The following FLG variants were observed in gnomAD, a reference collection of about 807,000 sequenced individuals.
FLG encodes filaggrin, also known as epidermal filaggrin.
Under a neutral mutation model 3.8 loss-of-function variants are expected in FLG, and 6 were observed. The observed-to-expected ratio is 1.60, with a 90% CI of 0.87 to 3.15. FLG has a LOEUF of 3.15. FLG is among the 30% of genes most tolerant of loss of function. The pLI, the probability that FLG is intolerant of heterozygous loss-of-function variation, is 0.00. For missense variants in FLG, 7,595 were observed against 5,050.9 expected (o/e 1.50, Z -15.27); for synonymous variants, 2,551 against 1,931.6 (o/e 1.32, Z -8.41).
chr1:152,308,676 C>A lies in FLG; in HGVS notation c.6210G>T (p.Gln2070His). The change falls in exon 3 of 3, where the codon CAG becomes CAT. Residue 2070 changes from glutamine to histidine, a missense_variant. Coordinates refer to ENST00000368799, the MANE Select transcript of FLG (RefSeq NM_002016.2). ...GGCCACGTGCGGACTCTTTGTGGCT[C>A]TGCTGATGGGGCCCAGCTTTTCCCT... Reference protein sequence around the residue: ...SAQGKAGPHQQSHKESARGQS... With the variant: ...SAQGKAGPHQHSHKESARGQS... 2 of 1,614,192 alleles carry A rather than the reference C, an allele frequency of 1.2e-6. No individual in the cohort carries two copies. Among genetic ancestry groups the A allele is most frequent in the Middle Eastern group, 1.6e-4 (1 of 6,062 alleles).
In FLG at chr1:152,314,311, C is replaced by G; in HGVS notation, c.575G>C (p.Arg192Thr). The G allele has an allele frequency of 2.5e-6, 4 of 1,613,368 alleles. No homozygotes were observed. Among genetic ancestry groups the G allele is most frequent in the Non-Finnish European group, 2.5e-6 (3 of 1,179,884 alleles). Residue 192 changes from arginine to threonine, a missense_variant, in exon 3 of 3, where the codon AGA (arginine) becomes ACA (threonine). Physicochemically the swap from Arg to Thr is moderately conservative, Grantham distance 71. Coordinates refer to ENST00000368799, the MANE Select transcript of FLG (RefSeq NM_002016.2). ...KKEKNKTENTRLGDNRKRLSE... is the reference protein window; with the variant it reads ...KKEKNKTENTTLGDNRKRLSE... ...TAGCCTCTTCCTATTGTCTCCTAAT[C>G]TAGTATTTTCAGTCTTGTTTTTCTC...
Position 152,314,544 on chromosome 1 carries a change from T to C in FLG, c.342A>G (p.Lys114=), listed in dbSNP as rs374145663. The C allele has an allele frequency of 3.7e-6, 6 of 1,613,816 alleles. No individual in the cohort carries two copies. In the African/African-American group the frequency reaches 6.7e-5, roughly 18 times the overall value. The change falls in exon 3 of 3, where the codon AAA becomes AAG. Residue 114 remains lysine (K), a synonymous_variant. Transcript: ENST00000368799. ...TTCTGTTTTCTTTGTTTTCTTCCTG[T>C]TTATTATCTTCATGTTTATCATGAT... The part of the protein sequence containing the change: ...HSHHDKHEDN[K]QEENKENRKR...
Position 152,313,841 on chromosome 1 carries a change from A to G in FLG, c.1045T>C (p.Ser349Pro). ...CCTGATTGTCTGGAGCTGTCTGCAG[A>G]GTGCCCATGACTGGCTCTGTCTTCA... ...HDEDRASHGHSADSSRQSGTR... is the reference protein window; with the variant it reads ...HDEDRASHGHPADSSRQSGTR... Residue 349 changes from serine (S) to proline (P), a missense_variant, in exon 3 of 3, where the codon TCT becomes CCT. Transcript: ENST00000368799. 2 of 1,614,124 alleles carry G rather than the reference A, an allele frequency of 1.2e-6. No individual in the cohort carries two copies. The highest frequency in any genetic ancestry group is 2.2e-5 in the South Asian group (2 of 91,084).
In FLG at chr1:152,307,551, C is replaced by T. The variant is rs774255822; in HGVS notation, c.7335G>A (p.Gln2445=). ...TGGRQGSHHK[Q]ARDSSRHSTS... Reference sequence around the variant, plus strand: ...TTGAGTGCCTGGAGCTGTCTCGTGCCTGCTTGTGGTGGGATCCTTGTCTTC... The same window carrying T: ...TTGAGTGCCTGGAGCTGTCTCGTGCTTGCTTGTGGTGGGATCCTTGTCTTC... Residue 2445 remains glutamine, a synonymous_variant, in exon 3 of 3, where the codon CAG becomes CAA. Transcript: ENST00000368799. 1.4e-5 allele frequency: 23 copies of T among 1,613,786 alleles called. No individual in the cohort carries two copies. The highest frequency in any genetic ancestry group is 1.7e-4 in the Middle Eastern group (1 of 6,056).
At position 152,308,660 on chromosome 1, in the gene FLG, C is replaced by G; in HGVS notation, c.6226G>C (p.Ala2076Pro). Residue 2076 changes from alanine (A) to proline (P), a missense_variant, in exon 3 of 3, where the codon GCA becomes CCA. Ala to Pro is a conservative substitution (Grantham distance 27). Transcript: ENST00000368799. ...GAGCTTTCCCCTGACTGGCCACGTG[C>G]GGACTCTTTGTGGCTCTGCTGATGG... ...GPHQQSHKES[A>P]RGQSGESSGR... 1.9e-6 allele frequency: 3 copies of G among 1,612,502 alleles called. No homozygotes were observed. Among genetic ancestry groups the G allele is most frequent in the Non-Finnish European group, 2.5e-6 (3 of 1,179,960 alleles).
Position 152,309,079 on chromosome 1 carries a change from C to G in FLG, c.5807G>C (p.Gly1936Ala). ...TCCAAGATGGTTTCTGGAAGCAGAC[C>G]CAGACCACCTCTCAGAGTCTTCTGA... ...GHSEDSERWS[G>A]SASRNHLGSA... Residue 1936 changes from glycine (G) to alanine (A), a missense_variant, in exon 3 of 3, where the codon GGG (glycine) becomes GCG (alanine). Gly to Ala is a moderately conservative substitution (Grantham distance 60). Transcript: ENST00000368799. The G allele has an allele frequency of 6.2e-7, 1 of 1,614,048 alleles. No individual in the cohort carries two copies. The highest frequency in any genetic ancestry group is 1.3e-5 in the African/African-American group (1 of 75,020).
chr1:152,319,079 C>A (rs1652875138), intron 1 of FLG, among the ~76,000 whole-genome samples: 1 of 151,536 alleles, frequency 6.6e-6, no homozygotes, highest in Non-Finnish European at 1.5e-5. Context: ...AAGACCAACT[C>A]AGTTAGAAAA....
rs1479185674 is a variant in FLG at position 152,304,287 on chromosome 1, C to T, written c.10599G>A (p.Arg3533=). ...CCTGGCTAACACTGGATCCCTGGTT[C>T]CTGCTTGTCCTGGGCCCCGCTGATT... ...QGQSAGPRTS[R]NQGSSVSQDS... Residue 3533 remains arginine (R), a synonymous_variant, in exon 3 of 3, where the codon AGG becomes AGA. Transcript: ENST00000368799. The T allele has an allele frequency of 1.4e-5, 22 of 1,612,916 alleles. No homozygotes were observed. The highest frequency in any genetic ancestry group is 1.6e-5 in the Non-Finnish European group (19 of 1,179,438).
chr1:152,308,481 C>A lies in FLG; in HGVS notation c.6405G>T (p.Gln2135His). Reference protein sequence around the residue: ...SSRHSASQEGQDTIRGHPGPS... With the variant: ...SSRHSASQEGHDTIRGHPGPS... Reference sequence around the variant, plus strand: ...GCCCCGGGTGTCCACGAATGGTGTCCTGACCCTCTTGGGATGCTGAGTGCC... The same window carrying A: ...GCCCCGGGTGTCCACGAATGGTGTCATGACCCTCTTGGGATGCTGAGTGCC... Residue 2135 changes from glutamine (Q) to histidine (H), a missense_variant, in exon 3 of 3, where the codon CAG becomes CAT. Physicochemically the swap from Gln to His is conservative, Grantham distance 24 (BLOSUM62 0). Transcript: ENST00000368799. 1 of 1,613,738 alleles carries A rather than the reference C, an allele frequency of 6.2e-7. No individual in the cohort carries two copies. The highest frequency in any genetic ancestry group is 8.5e-7 in the Non-Finnish European group (1 of 1,179,858).
In FLG at chr1:152,315,254, C is replaced by T. The variant is rs940180991; in HGVS notation, c.138+65G>A. 4.1e-6 allele frequency: 6 copies of T among 1,455,832 alleles called. No individual in the cohort carries two copies. The Admixed American group carries it at 8.6e-5, about 21-fold the overall frequency. 90.2% of individuals were successfully genotyped at this position (1,455,832 alleles called of 1,614,324 possible). On this transcript the variant is annotated intron_variant, in intron 2 of 2. Coordinates refer to ENST00000368799, the MANE Select transcript of FLG (RefSeq NM_002016.2). ...ATAGTTCACAAAGAGCTCAAAATAA[C>T]CCTTGCTTAGATTATTGATGAGAAA...
Position 152,313,555 on chromosome 1 carries a change from C to T in FLG, c.1331G>A (p.Gly444Glu), listed in dbSNP as rs539986712. ...CTCTTGGTGGCTCTGCTGTCTCAGCCCAGCCTTTCCGTGGCCTGACACTGA... is the reference window on the plus strand; with the variant it reads ...CTCTTGGTGGCTCTGCTGTCTCAGCTCAGCCTTTCCGTGGCCTGACACTGA... ...TQSVSGHGKAGLRQQSHQEST... is the reference protein window; with the variant it reads ...TQSVSGHGKAELRQQSHQEST... The change falls in exon 3 of 3, where the codon GGG becomes GAG. Residue 444 changes from glycine (G) to glutamate (E), a missense_variant. Physicochemically the swap from Gly to Glu is moderately conservative, Grantham distance 98. Coordinates refer to ENST00000368799, the MANE Select transcript of FLG (RefSeq NM_002016.2). 2.5e-6 allele frequency: 4 copies of T among 1,613,578 alleles called. No individual in the cohort carries two copies. The highest frequency in any genetic ancestry group is 1.1e-5 in the South Asian group (1 of 91,034).
chr1:152,303,212 G>T lies in FLG; in HGVS notation c.11674C>A (p.Arg3892=), dbSNP rs141128022. ...CTGGAGCCATCTCTTGACTGCTCCC[G>T]AGAAGATCCATGATGGTTTCTGGAA... The part of the protein sequence containing the change: ...SASRNHHGSS[R]EQSRDGSRHP... Residue 3892 remains arginine (R), a synonymous_variant, in exon 3 of 3, where the codon CGG becomes AGG. Transcript: ENST00000368799. 2 of 1,614,060 alleles carry T rather than the reference G, an allele frequency of 1.2e-6. No homozygotes were observed. The highest frequency in any genetic ancestry group is 1.7e-6 in the Non-Finnish European group (2 of 1,180,030).
Position 152,309,144 on chromosome 1 carries a change from C to T in FLG, c.5742G>A (p.Gln1914=), listed in dbSNP as rs746656908. The T allele has an allele frequency of 2.5e-6, 4 of 1,613,520 alleles. No individual in the cohort carries two copies. In the South Asian group the frequency reaches 3.3e-5, roughly 13 times the overall value. ...QSSGPRTSRN[Q]GSSVSQDSDS... ...CACTGTCCTGGCTAACACTGGATCC[C>T]TGGTTCCTGCTTGTCCTGGGCCCTG... The change falls in exon 3 of 3, where the codon CAG becomes CAA. Residue 1914 remains glutamine (Q), a synonymous_variant. Coordinates refer to ENST00000368799, the MANE Select transcript of FLG (RefSeq NM_002016.2).
In FLG at chr1:152,308,457, C is replaced by T. The variant is rs368612352; in HGVS notation, c.6429G>A (p.Gly2143=). The T allele has an allele frequency of 1.7e-5, 27 of 1,613,588 alleles. No individual in the cohort carries two copies. In the African/African-American group the frequency reaches 2.8e-4, roughly 17 times the overall value. Residue 2143 remains glycine (G), a synonymous_variant, in exon 3 of 3, where the codon GGG becomes GGA. Coordinates refer to ENST00000368799, the MANE Select transcript of FLG (RefSeq NM_002016.2). Reference sequence around the variant, plus strand: ...ACCCCTGTCTTCCTCCTCTGCTTGGCCCCGGGTGTCCACGAATGGTGTCCT... The same window carrying T: ...ACCCCTGTCTTCCTCCTCTGCTTGGTCCCGGGTGTCCACGAATGGTGTCCT... The part of the protein sequence containing the change: ...EGQDTIRGHP[G]PSRGGRQGSH...
Position 152,311,628 on chromosome 1 carries a change from C to T in FLG, c.3258G>A (p.Val1086=), listed in dbSNP as rs150877203. 5.6e-6 allele frequency: 9 copies of T among 1,614,022 alleles called. No homozygotes were observed. The highest frequency in any genetic ancestry group is 7.6e-6 in the Non-Finnish European group (9 of 1,180,020). Reference sequence around the variant, plus strand: ...GGGGCCCATCCTGTCCATGGCCTGACACTGACTGTGTGTCTGACTCCTCTG... The same window carrying T: ...GGGGCCCATCCTGTCCATGGCCTGATACTGACTGTGTGTCTGACTCCTCTG... ...GHSEESDTQS[V]SGHGQDGPHQ... The change falls in exon 3 of 3, where the codon GTG becomes GTA. Residue 1086 remains valine, a synonymous_variant. Transcript: ENST00000368799.
In FLG at chr1:152,310,764, C is replaced by T. The variant is rs559118322; in HGVS notation, c.4122G>A (p.Gly1374=). ...SADSSRHSGI[G]HRQASSAVRD... ...TGACTGCAGATGAAGCTTGTCTGTG[C>T]CCAATGCCTGAGTGTCTGGAGCTGT... The change falls in exon 3 of 3, where the codon GGG becomes GGA. Residue 1374 remains glycine (G), a synonymous_variant. Transcript: ENST00000368799. 1.9e-6 allele frequency: 3 copies of T among 1,613,888 alleles called. No individual in the cohort carries two copies. The highest frequency in any genetic ancestry group is 2.2e-5 in the East Asian group (1 of 44,824).
chr1:152,314,373 T>C lies in FLG; in HGVS notation c.513A>G (p.Glu171=), dbSNP rs1456463404. 5 of 1,612,892 alleles carry C rather than the reference T, an allele frequency of 3.1e-6. No homozygotes were observed. The part of the protein sequence containing the change: ...RKGYSPTHRE[E]EYGKNHHNSS... ...AGTTATGATGGTTTTTTCCATATTC[T>C]TCTTCTCTATGAGTAGGTGAATATC... Residue 171 remains glutamate, a synonymous_variant, in exon 3 of 3, where the codon GAA becomes GAG. Coordinates refer to ENST00000368799, the MANE Select transcript of FLG (RefSeq NM_002016.2).
chr1:152,307,591 C>G lies in FLG; in HGVS notation c.7295G>C (p.Gly2432Ala). ...EQSESAHGRT[G>A]TSTGGRQGSH... The stretch of plus-strand genomic sequence containing the variant: ...TCCTTGTCTTCCTCCAGTGCTGGTC[C>G]CGGTCCGTCCATGGGCGGACTCAGA... Residue 2432 changes from glycine to alanine, a missense_variant, in exon 3 of 3, where the codon GGG becomes GCG. Coordinates refer to ENST00000368799, the MANE Select transcript of FLG (RefSeq NM_002016.2). 1 of 1,613,714 alleles carries G rather than the reference C, an allele frequency of 6.2e-7. No homozygotes were observed.
Position 152,312,419 on chromosome 1 carries a change from C to G in FLG, c.2467G>C (p.Glu823Gln). 1 of 1,613,532 alleles carries G rather than the reference C, an allele frequency of 6.2e-7. No homozygotes were observed. Among genetic ancestry groups the G allele is most frequent in the South Asian group, 1.1e-5 (1 of 90,952 alleles). The change falls in exon 3 of 3, where the codon GAG becomes CAG. Residue 823 changes from glutamate (E) to glutamine (Q), a missense_variant. Transcript: ENST00000368799. ...TGCCTGGAGTTGTCTCGTGCCTGCT[C>G]ATGGTGGGATCCTTGTCTTACTCCA... The part of the protein sequence containing the change: ...STGVRQGSHH[E>Q]QARDNSRHSA...
Sources: gnomAD v4.1 joint callset for allele counts (sites outside exome capture counted in the v4.1 genomes callset) on GRCh38, gnomAD v4.1.1 for gene constraint, MANE v1.5 for transcripts, NCBI Gene and HGNC (gene_info 2026-07-23, HGNC 2026-07-21) for gene names.